Variants in PAX5 observed in about 807,000 individuals in gnomAD.
PAX5 encodes the protein paired box protein Pax-5.
In PAX5, 9 loss-of-function variants were observed where a neutral mutation model predicts 43.7. The observed-to-expected ratio is 0.21, with a 90% CI of 0.12 to 0.36. The LOEUF (loss-of-function observed/expected upper bound fraction) is 0.36. Among genes scored for constraint, PAX5 ranks in the 10% least tolerant of loss-of-function variants. The pLI is 1.00. For synonymous variants in PAX5, 228 were observed against 214.3 expected (o/e 1.06, Z -0.56); for missense variants, 383 against 532.7 (o/e 0.72, Z 2.77).
chr9:36,917,179 T>A (rs1297355446), intron 7 of PAX5, among the ~76,000 whole-genome samples: 3 of 152,198 alleles, frequency 2.0e-5, no homozygotes, highest in Non-Finnish European at 1.5e-5. Flanking sequence ...GTCAAGGGTT[T>A]ACTTTAAAAC....
rs1484025923 is a variant in PAX5, at chr9:36,837,962, T to C, written c.*2598A>G. On this transcript the variant is annotated 3_prime_UTR_variant, in exon 10 of 10. Transcript: ENST00000358127. ...CAGGATCCAAAGATGTGGGTACACA[T>C]CATTCCAAAAGAAGGGTGACAGGGG... 1 of 233,324 alleles carries C rather than the reference T, an allele frequency of 4.3e-6. No individual in the cohort carries two copies. Among genetic ancestry groups the C allele is most frequent in the Middle Eastern group, 1.3e-3 (1 of 788 alleles). The allele number at this position is 233,324 out of a possible 1,614,324, so 14.5% of individuals were successfully genotyped here.
chr9:36,863,853 C>G (rs1824485643), intron 8 of PAX5, among the ~76,000 whole-genome samples: 2 of 152,204 alleles, frequency 1.3e-5, no homozygotes, highest in South Asian at 2.1e-4. Context: ...GCTCACGCCT[C>G]CAATCCCAGT....
intron 4 of PAX5, 155 bp from the exon 5 acceptor site, chr9:37,002,931 G>A: frequency 1.2e-6 from 1 of 854,972 alleles, no homozygotes; most frequent in Non-Finnish European, 1.7e-6. Flanking sequence ...GGCCACACCT[G>A]AGCCACGAGC....
At chr9:36,843,229 C>T (rs1297523846) in intron 9 of PAX5, among the ~76,000 whole-genome samples, 1 of 152,122 alleles carries the variant, frequency 6.6e-6, no homozygotes, top group African/African-American at 2.4e-5. Flanking sequence ...GGTTTCCATG[C>T]CCTGGCGCCC....
intron 1 of PAX5, among the ~76,000 whole-genome samples, chr9:37,021,327 A>C (rs557882889): frequency 2.0e-5 from 3 of 152,342 alleles, no homozygotes; most frequent in African/African-American, 7.2e-5. Flanking sequence ...ATTTTTTAAA[A>C]ATTTAACAGC....
chr9:37,009,803 A>G (rs1410081885), intron 3 of PAX5, among the ~76,000 whole-genome samples: 1 of 152,142 alleles, frequency 6.6e-6, no homozygotes, highest in African/African-American at 2.4e-5. Flanking sequence ...ATAAATATAT[A>G]TATATATGCC....
intron 8 of PAX5, among the ~76,000 whole-genome samples, chr9:36,848,198 GCT>G (rs1822778228): frequency 6.6e-6 from 1 of 152,102 alleles, no homozygotes; most frequent in Non-Finnish European, 1.5e-5. Flanking sequence ...CCAAGAGCCT[GCT>G]CTCTCTCCTA....
chr9:37,026,767 G>A (rs1564092385), intron 1 of PAX5: 1 of 972,962 alleles, frequency 1.0e-6, no homozygotes, highest in Non-Finnish European at 1.2e-6. Context: ...GGAGAGGCGG[G>A]AAATGGTGCT....
Position 36,882,259 on chromosome 9 carries a change from AACAC to A in PAX5, c.911-158_911-155del, listed in dbSNP as rs956393793. ...CCCCTGTCGCTCACACGCTCTCACA[AACAC>A]ACATACACACACACACACACACACA... On this transcript the variant is annotated intron_variant, in intron 7 of 9. Coordinates refer to ENST00000358127, the MANE Select transcript of PAX5 (RefSeq NM_016734.3). The surrounding 1 kb of genome is among the most constrained non-coding windows in gnomAD (Gnocchi z 4.4). 7.4e-6 allele frequency among the ~76,000 whole-genome samples: 1 copy of A among 134,964 alleles called. No individual in the cohort carries two copies. Among genetic ancestry groups the A allele is most frequent in the African/African-American group, 3.1e-5 (1 of 31,748 alleles). 88.5% of individuals were successfully genotyped at this position (134,964 alleles called of 152,430 possible).
chr9:36,861,540 C>T lies in PAX5; in HGVS notation c.1013-14611G>A, dbSNP rs1040256046. Among the ~76,000 whole-genome samples the T allele has an allele frequency of 1.1e-4, 16 of 150,884 alleles. No homozygotes were observed. The South Asian group carries it at 2.1e-3, about 20-fold the overall frequency. On this transcript the variant is annotated intron_variant, in intron 8 of 9. Coordinates refer to ENST00000358127, the MANE Select transcript of PAX5 (RefSeq NM_016734.3). ...GAGGTGGAATTTTAGATGGAGTGAC[C>T]GGGGATGACTCCACTGAAAAGGTGA...
chr9:36,868,247 G>T (rs1825091698), intron 8 of PAX5, among the ~76,000 whole-genome samples: 1 of 152,220 alleles, frequency 6.6e-6, no homozygotes, highest in African/African-American at 2.4e-5. Context: ...CTGGACTCTG[G>T]ACCGGGCAAG....
intron 7 of PAX5, among the ~76,000 whole-genome samples, chr9:36,902,998 C>T (rs1040645526): frequency 5.9e-5 from 9 of 152,182 alleles, no homozygotes; most frequent in Non-Finnish European, 1.2e-4. Context: ...GCTGGCCTGC[C>T]CCGGGACCTG....
chr9:36,944,383 G>T (rs111279545), intron 6 of PAX5, among the ~76,000 whole-genome samples: 1 of 152,032 alleles, frequency 6.6e-6, no homozygotes, highest in Admixed American at 6.5e-5. Flanking sequence ...TGCCCGAATC[G>T]TGCAGCTGGT....
chr9:36,886,650 C>A (rs1004638433), intron 7 of PAX5, among the ~76,000 whole-genome samples: 1 of 152,186 alleles, frequency 6.6e-6, no homozygotes. Context: ...TCTAAACATG[C>A]TATGACCTCA....
intron 5 of PAX5, among the ~76,000 whole-genome samples, chr9:36,987,458 T>G (rs1836527268): frequency 6.6e-6 from 1 of 152,240 alleles, no homozygotes; most frequent in African/African-American, 2.4e-5. Context: ...TCTCATGCAC[T>G]TCTTCTCGCC....
At chr9:36,900,985 T>C (rs1163164237) in intron 7 of PAX5, among the ~76,000 whole-genome samples, 2 of 152,210 alleles carry the variant, frequency 1.3e-5, no homozygotes, top group Non-Finnish European at 2.9e-5. Flanking sequence ...CTATTGCCAG[T>C]TCCACCCCTC....
chr9:36,867,959 C>A (rs1326379903), intron 8 of PAX5, among the ~76,000 whole-genome samples: 1 of 152,192 alleles, frequency 6.6e-6, no homozygotes, highest in Non-Finnish European at 1.5e-5. Context: ...CCTGGTTGGG[C>A]TCCCCTTGCC....
intron 5 of PAX5, among the ~76,000 whole-genome samples, chr9:36,998,142 T>C (rs79578102): frequency 6.6e-6 from 1 of 152,216 alleles, no homozygotes; most frequent in African/African-American, 2.4e-5. Flanking sequence ...ATCTGCCTCC[T>C]GCAGCTTCCT....
chr9:36,857,403 C>T (rs543324229), intron 8 of PAX5, among the ~76,000 whole-genome samples: 4 of 152,252 alleles, frequency 2.6e-5, no homozygotes, highest in Non-Finnish European at 5.9e-5. Context: ...AGAGCTAGGC[C>T]CCCAGTAAGG....
Sources: allele counts gnomAD v4.1 joint callset (sites outside exome capture counted in the v4.1 genomes callset), GRCh38; gene constraint gnomAD v4.1.1; non-coding constraint Gnocchi (gnomAD v3.1); transcripts MANE v1.5; gene names NCBI Gene and HGNC (gene_info 2026-07-23, HGNC 2026-07-21).